Variants in ERCC6L2 observed in about 807,000 individuals in gnomAD.
ERCC6L2 encodes DNA excision repair protein ERCC-6-like 2.
A neutral mutation model predicts 132.0 loss-of-function variants in ERCC6L2; 77 were observed. That is an observed-to-expected ratio of 0.58 (90% confidence interval 0.49 to 0.71). The LOEUF (loss-of-function observed/expected upper bound fraction) is 0.71, where lower values mean the gene tolerates loss of function less well. Ranked by LOEUF, ERCC6L2 falls within the 30% of genes least tolerant of loss-of-function variation. ERCC6L2 has a pLI of 0.00. For synonymous variants in ERCC6L2, 583 were observed against 632.4 expected, an observed-to-expected ratio of 0.92 and a Z score of 1.17; for missense variants, 1,542 against 1,837.6, an observed-to-expected ratio of 0.84 and a Z score of 2.94.
chr9:95,914,959 T>C (rs1319704219), intron 4 of ERCC6L2, among the ~76,000 whole-genome samples: 2 of 152,232 alleles, frequency 1.3e-5, no homozygotes, highest in Admixed American at 6.5e-5. Context: ...AGTAAGTGTT[T>C]AAATTCATTT....
intron 18 of ERCC6L2, 82 bp from the exon 19 acceptor site, chr9:96,012,143 A>G: frequency 3.2e-6 from 3 of 951,766 alleles, no homozygotes; most frequent in African/African-American, 1.7e-5. Context: ...TGTGGACTCT[A>G]CATTTCCTCT....
intron 17 of ERCC6L2, among the ~76,000 whole-genome samples, chr9:96,003,319 C>T (rs1184795498): frequency 6.6e-6 from 1 of 152,174 alleles, no homozygotes; most frequent in African/African-American, 2.4e-5. Context: ...ATTCACCCCT[C>T]ATTGAGATCT....
chr9:95,913,869 T>C (rs1829456790), intron 4 of ERCC6L2, among the ~76,000 whole-genome samples: 1 of 152,254 alleles, frequency 6.6e-6, no homozygotes, highest in African/African-American at 2.4e-5. Context: ...ATGGTACTAT[T>C]ATACAGCTAT....
At chr9:95,883,762 G>A (rs561048217) in intron 2 of ERCC6L2, among the ~76,000 whole-genome samples, 1 of 152,344 alleles carries the variant, frequency 6.6e-6, no homozygotes, top group East Asian at 1.9e-4. Context: ...GGAAGCCAAG[G>A]CAGGAGAATC....
At chr9:95,879,602 A>T (rs1827482427) in intron 1 of ERCC6L2, among the ~76,000 whole-genome samples, 2 of 152,192 alleles carry the variant, frequency 1.3e-5, no homozygotes, top group South Asian at 4.1e-4. Flanking sequence ...ATGGTGTAAC[A>T]GTTGTCAACA....
At chr9:95,883,134 A>AC (rs751841421) in intron 2 of ERCC6L2, among the ~76,000 whole-genome samples, 1 of 152,164 alleles carries the variant, frequency 6.6e-6, no homozygotes, top group Non-Finnish European at 1.5e-5. Flanking sequence ...ACTGAAACTC[A>AC]CCAGATCGTA....
At position 96,012,154 on chromosome 9, in the gene ERCC6L2, T is replaced by A. The variant is rs567290826; in HGVS notation, c.3675-71T>A. The A allele has an allele frequency of 2.3e-5, 23 of 1,018,226 alleles. No individual in the cohort carries two copies. The South Asian group carries it at 4.2e-4, about 19-fold the overall frequency. 63.1% of individuals were successfully genotyped at this position (1,018,226 alleles called of 1,614,324 possible). A position where few individuals can be genotyped will look rare whatever the true frequency, so the allele number is the denominator to read the frequency against. On this transcript the variant is annotated intron_variant, in intron 18 of 18. Coordinates refer to ENST00000653738, the MANE Select transcript of ERCC6L2 (RefSeq NM_020207.7). Reference sequence around the variant, plus strand: ...CTTCTGTGGACTCTACATTTCCTCTTACTGGTGATGAGTTCTTTCAAAATA... The same window carrying A: ...CTTCTGTGGACTCTACATTTCCTCTAACTGGTGATGAGTTCTTTCAAAATA...
At chr9:95,974,075 C>T (rs1316102764) in intron 16 of ERCC6L2, among the ~76,000 whole-genome samples, 1 of 152,184 alleles carries the variant, frequency 6.6e-6, no homozygotes, top group African/African-American at 2.4e-5. Flanking sequence ...ATAGTAGGCA[C>T]AAAATGTTTA....
chr9:96,020,986 C>T (rs1334611252), downstream of ERCC6L2: 6 of 456,432 alleles, frequency 1.3e-5, no homozygotes, highest in African/African-American at 8.0e-5. Context: ...CACCGGGCCC[C>T]GTCGGACTGT....
chr9:95,911,962 C>G (rs555113030), intron 4 of ERCC6L2, among the ~76,000 whole-genome samples: 9 of 152,146 alleles, frequency 5.9e-5, no homozygotes, highest in African/African-American at 2.2e-4. Flanking sequence ...TTTTCAGCAT[C>G]ATCTATTGAT....
At chr9:95,915,059 G>A (rs1438944413) in intron 4 of ERCC6L2, among the ~76,000 whole-genome samples, 2 of 152,042 alleles carry the variant, frequency 1.3e-5, no homozygotes, top group African/African-American at 2.4e-5. Context: ...AATTAGGCTG[G>A]CGTCTCTATT....
rs1337224178 is a variant in ERCC6L2, at chr9:95,972,670, A to T, written c.2919A>T (p.Arg973Ser). 1 of 1,298,558 alleles carries T rather than the reference A, an allele frequency of 7.7e-7. No homozygotes were observed. The highest frequency in any genetic ancestry group is 1.0e-6 in the Non-Finnish European group (1 of 988,882). 80.4% of individuals were successfully genotyped at this position (1,298,558 alleles called of 1,614,324 possible). A position where few individuals can be genotyped will look rare whatever the true frequency, so the allele number is the denominator to read the frequency against. ...CAACCCTGAAATCTATTTTGAAAAGAAAAGGCACCAGTGATATCAGTGATG... is the reference window on the plus strand; with the variant it reads ...CAACCCTGAAATCTATTTTGAAAAGTAAAGGCACCAGTGATATCAGTGATG... ...ENTTLKSILKRKGTSDISDES... is the reference protein window; with the variant it reads ...ENTTLKSILKSKGTSDISDES... Residue 973 changes from arginine to serine, a missense_variant, in exon 16 of 19, where the codon AGA becomes AGT. Physicochemically the swap from Arg to Ser is moderately radical, Grantham distance 110. Coordinates refer to ENST00000653738, the MANE Select transcript of ERCC6L2 (RefSeq NM_020207.7).
At chr9:95,886,963 G>T (rs575578948) in intron 2 of ERCC6L2, among the ~76,000 whole-genome samples, 2 of 152,132 alleles carry the variant, frequency 1.3e-5, no homozygotes, top group African/African-American at 4.8e-5. Flanking sequence ...CTTGAACGTC[G>T]GACTCAAGTT....
At chr9:96,020,685 A>T (rs1834270922), downstream of ERCC6L2, 1 of 427,576 alleles carries the variant, frequency 2.3e-6, no homozygotes, top group African/African-American at 2.0e-5. Context: ...TGGCGGGAAC[A>T]AGCAAGGCTT....
intron 3 of ERCC6L2, among the ~76,000 whole-genome samples, chr9:95,900,659 G>C (rs1009523071): frequency 6.6e-6 from 1 of 152,044 alleles, no homozygotes; most frequent in Admixed American, 6.6e-5. Flanking sequence ...TTACATCCAT[G>C]GATCAGTTTT....
At chr9:95,994,314 GC>G (rs1417819412) in intron 17 of ERCC6L2, among the ~76,000 whole-genome samples, 2 of 152,074 alleles carry the variant, frequency 1.3e-5, no homozygotes, top group Admixed American at 6.6e-5. Context: ...TTTTAATTAA[GC>G]CTTCCACTCT....
intron 7 of ERCC6L2, 117 bp from the exon 8 acceptor site, chr9:95,922,188 A>G: frequency 1.9e-6 from 1 of 533,886 alleles, no homozygotes; most frequent in South Asian, 3.0e-5. Context: ...TTTTCTTGGA[A>G]TTTATTGTGC....
intron 17 of ERCC6L2, among the ~76,000 whole-genome samples, chr9:96,000,495 A>G (rs922521191): frequency 1.3e-5 from 2 of 152,234 alleles, no homozygotes; most frequent in Non-Finnish European, 1.5e-5. Flanking sequence ...GTAGGGGAAT[A>G]TTTGTATATA....
rs1184619416 is a variant in ERCC6L2, at chr9:95,973,045, TG to T, written c.3295del (p.Val1099LeufsTer14). On this transcript the variant is annotated frameshift_variant, in exon 16 of 19. Transcript: ENST00000653738. LOFTEE classifies it high-confidence loss of function. Reference sequence around the variant, plus strand: ...CAATGAAATGTTCAAATGAGAAAGTTGTTAATCAAGAGCAGTCGTATGAATC... The same window carrying T: ...CAATGAAATGTTCAAATGAGAAAGTTTTAATCAAGAGCAGTCGTATGAATC... Reference protein sequence around the residue: ...KPMKCSNEKVVNQEQSYESMD... With the variant: ...KPMKCSNEKVXNQEQSYESMD... The T allele has an allele frequency of 2.2e-6, 3 of 1,361,646 alleles. No individual in the cohort carries two copies. The highest frequency in any genetic ancestry group is 2.9e-6 in the Non-Finnish European group (3 of 1,019,826). 84.3% of individuals were successfully genotyped at this position (1,361,646 alleles called of 1,614,324 possible).
Sources: allele counts gnomAD v4.1 joint callset (sites outside exome capture counted in the v4.1 genomes callset), GRCh38; gene constraint gnomAD v4.1.1; transcripts MANE v1.5; gene names NCBI Gene and HGNC (gene_info 2026-07-23, HGNC 2026-07-21).